The following NFIL3 variants were observed in gnomAD, a reference collection of about 807,000 sequenced individuals.
NFIL3 encodes nuclear factor, interleukin 3 regulated, also known as nuclear factor interleukin-3-regulated protein.
A neutral mutation model predicts 10.0 loss-of-function variants in NFIL3; 5 were observed. That is an observed-to-expected ratio of 0.50 (90% CI 0.26 to 1.06). The LOEUF is 1.06. NFIL3 is among the 50% of genes least tolerant of loss of function. The probability of loss-of-function intolerance (pLI) is 0.13; values close to 1 mark genes in which losing one functional copy is unlikely to be tolerated. For missense variants in NFIL3, 436 were observed against 547.6 expected, an observed-to-expected ratio of 0.80 and a Z score of 2.03; for synonymous variants, 202 against 206.5, an observed-to-expected ratio of 0.98 and a Z score of 0.19.
chr9:91,412,813 T>C (rs1171918739), intron 1 of NFIL3, among the ~76,000 whole-genome samples: 5 of 150,348 alleles, frequency 3.3e-5, no homozygotes, highest in Non-Finnish European at 7.4e-5. Context: ...GATCGCGCCA[T>C]TGCACTCCAG....
rs1174134663 is a variant in NFIL3, at chr9:91,409,970, G to A, written c.765C>T (p.Tyr255=). The change falls in exon 2 of 2, where the codon TAC becomes TAT. Residue 255 remains tyrosine (Y), a synonymous_variant. Coordinates refer to ENST00000297689, the MANE Select transcript of NFIL3 (RefSeq NM_005384.3). ...QNYMGNSFSG[Y]SHSPPLLQVN... ...CTTGCAGTAGTGGGGGAGAGTGTGA[G>A]TACCCAGAGAAAGAATTCCCCATAT... The A allele has an allele frequency of 2.6e-5, 42 of 1,613,442 alleles. No homozygotes were observed. The highest frequency in any genetic ancestry group is 3.4e-5 in the Non-Finnish European group (40 of 1,180,036).
At chr9:91,469,534 C>A in the NFIL3 span, among the ~76,000 whole-genome samples, 3 of 152,170 alleles carry the variant, frequency 2.0e-5, no homozygotes, top group Non-Finnish European at 4.4e-5. Flanking sequence ...CTTTCTCCTG[C>A]CTGATTGCCC....
At chr9:91,468,405 T>C in the NFIL3 span, among the ~76,000 whole-genome samples, 1 of 152,196 alleles carries the variant, frequency 6.6e-6, no homozygotes, top group Non-Finnish European at 1.5e-5. Flanking sequence ...TCTTGTAAAT[T>C]TGTTTGAGTT....
chr9:91,459,708 TAAAA>T, the NFIL3 span, among the ~76,000 whole-genome samples: 2 of 151,974 alleles, frequency 1.3e-5, no homozygotes, highest in Admixed American at 6.6e-5. Context: ...AACAAATAAA[TAAAA>T]AAGAAAATAT....
At chr9:91,457,410 C>T in the NFIL3 span, among the ~76,000 whole-genome samples, 1 of 151,972 alleles carries the variant, frequency 6.6e-6, no homozygotes, top group Admixed American at 6.6e-5. Flanking sequence ...TTCTTCTGCA[C>T]TTTCTCTCAG....
the NFIL3 span, among the ~76,000 whole-genome samples, chr9:91,451,303 TAA>T: frequency 6.6e-6 from 1 of 152,234 alleles, no homozygotes; most frequent in Admixed American, 6.5e-5. Flanking sequence ...TATTGATCTA[TAA>T]GTGTCAGTTA....
the NFIL3 span, among the ~76,000 whole-genome samples, chr9:91,442,260 T>C: frequency 2.0e-5 from 3 of 152,208 alleles, no homozygotes; most frequent in Non-Finnish European, 4.4e-5. Flanking sequence ...TTTAAATATA[T>C]TACCCCTTTC....
chr9:91,436,372 A>G, the NFIL3 span, among the ~76,000 whole-genome samples: 3 of 152,214 alleles, frequency 2.0e-5, no homozygotes, highest in South Asian at 4.1e-4. Context: ...AGGTCAGGTG[A>G]TAGAGACCAT....
At chr9:91,454,406 G>A in the NFIL3 span, among the ~76,000 whole-genome samples, 11 of 151,344 alleles carry the variant, frequency 7.3e-5, no homozygotes, top group Admixed American at 4.6e-4. Flanking sequence ...ACAAAACACC[G>A]AATTTTTGAC....
Position 91,409,729 on chromosome 9 carries a change from T to C in NFIL3, c.1006A>G (p.Ile336Val). 6.2e-7 allele frequency: 1 copy of C among 1,614,236 alleles called. No individual in the cohort carries two copies. Among genetic ancestry groups the C allele is most frequent in the East Asian group, 2.2e-5 (1 of 44,882 alleles). ...TCATTATCAAAGGCTTCTACTTTGATCTGCATGGCTTTGGCTTTGATCCGG... is the reference window on the plus strand; with the variant it reads ...TCATTATCAAAGGCTTCTACTTTGACCTGCATGGCTTTGGCTTTGATCCGG... ...KLRIKAKAMQ[I>V]KVEAFDNEFE... is the part of the protein sequence containing the mutation. Residue 336 changes from isoleucine to valine, a missense_variant, in exon 2 of 2, where the codon ATC (isoleucine) becomes GTC (valine). Transcript: ENST00000297689.
At chr9:91,440,524 T>C in the NFIL3 span, among the ~76,000 whole-genome samples, 1 of 152,096 alleles carries the variant, frequency 6.6e-6, no homozygotes, top group South Asian at 2.1e-4. Context: ...CTGATCTTTA[T>C]TGTTTCCTTC....
the NFIL3 span, among the ~76,000 whole-genome samples, chr9:91,430,834 C>A: frequency 6.6e-6 from 1 of 152,118 alleles, no homozygotes; most frequent in African/African-American, 2.4e-5. Flanking sequence ...TTTGTAGAGG[C>A]AGGATCTCAC....
the NFIL3 span, among the ~76,000 whole-genome samples, chr9:91,475,291 T>C: frequency 2.0e-5 from 3 of 152,230 alleles, no homozygotes; most frequent in Non-Finnish European, 2.9e-5. Flanking sequence ...AATATACTTA[T>C]GTATAGATAT....
At chr9:91,420,535 G>T (rs550085868) in intron 1 of NFIL3, among the ~76,000 whole-genome samples, 99 of 152,230 alleles carry the variant, frequency 6.5e-4, no homozygotes, top group African/African-American at 2.3e-3. Flanking sequence ...TGGGGCCTGG[G>T]ACCCAGGGTT....
At chr9:91,434,841 A>G in the NFIL3 span, among the ~76,000 whole-genome samples, 1 of 152,212 alleles carries the variant, frequency 6.6e-6, no homozygotes, top group Admixed American at 6.5e-5. Flanking sequence ...TCTTAAAGCT[A>G]TCGCAATTAA....
chr9:91,424,040 C>T (rs1348277520), upstream of NFIL3, among the ~76,000 whole-genome samples: 1 of 149,722 alleles, frequency 6.7e-6, no homozygotes, highest in African/African-American at 2.4e-5. Context: ...ACTACCAGCT[C>T]GCGTCCCTCC....
rs550049149 is a variant in NFIL3 at position 91,421,587 on chromosome 9, C to G, written c.-173+2053G>C. Among the ~76,000 whole-genome samples, 3 of 152,298 alleles carry G rather than the reference C, an allele frequency of 2.0e-5. No individual in the cohort carries two copies. In the South Asian group the frequency reaches 6.2e-4, roughly 32 times the overall value. On this transcript the variant is annotated intron_variant, in intron 1 of 1. Transcript: ENST00000297689. The stretch of plus-strand genomic sequence containing the variant: ...AGCCCCGGATTCTCGCAGACCCCAC[C>G]GGCCCGCAGGAGGGAGCGGCGCACT...
At chr9:91,430,375 C>T in the NFIL3 span, among the ~76,000 whole-genome samples, 3 of 152,134 alleles carry the variant, frequency 2.0e-5, no homozygotes, top group Non-Finnish European at 4.4e-5. Context: ...GTAGACTTGG[C>T]GCTCATTCAC....
chr9:91,455,421 T>A, the NFIL3 span, among the ~76,000 whole-genome samples: 1 of 152,226 alleles, frequency 6.6e-6, no homozygotes. Flanking sequence ...TTTATTTACA[T>A]CACTTGTGGC....
Sources: allele counts gnomAD v4.1 joint callset (sites outside exome capture counted in the v4.1 genomes callset), GRCh38; gene constraint gnomAD v4.1.1; transcripts MANE v1.5; gene names NCBI Gene and HGNC (gene_info 2026-07-23, HGNC 2026-07-21).